RBM19: variants seen among roughly 807,000 people sequenced by gnomAD.
RBM19 encodes probable RNA-binding protein 19.
RBM19 carries 94 observed loss-of-function variants against 116.8 expected under a neutral mutation model. The observed-to-expected ratio is 0.80, with a 90% CI of 0.68 to 0.95. The LOEUF is 0.95. Among genes scored for constraint, RBM19 ranks in the 40% least tolerant of loss-of-function variants. RBM19 has a pLI of 0.00. For missense variants in RBM19, 1,161 were observed against 1,220.7 expected, an observed-to-expected ratio of 0.95 and a Z score of 0.73; for synonymous variants, 475 against 494.1, an observed-to-expected ratio of 0.96 and a Z score of 0.51.
downstream of RBM19, among the ~76,000 whole-genome samples, chr12:113,820,578 C>T (rs941989089): frequency 6.6e-5 from 10 of 152,146 alleles, no homozygotes; most frequent in African/African-American, 2.4e-4. Context: ...TGACATGATC[C>T]AGCTCACGGA....
chr12:113,920,460 G>T, intron 19 of RBM19, 151 bp downstream of exon 19: 1 of 706,476 alleles, frequency 1.4e-6, no homozygotes. Flanking sequence ...ATTTTTTCTT[G>T]GGCCACAGTC....
chr12:113,872,994 C>T (rs1260302775), intron 21 of RBM19, among the ~76,000 whole-genome samples: 167 of 82,498 alleles, frequency 2.0e-3, no homozygotes, highest in African/African-American at 2.9e-3. Context: ...TCTGCCCGGC[C>T]GCCCCTACTG....
At position 113,937,865 on chromosome 12, in the gene RBM19, T is replaced by C. The variant is rs182526609; in HGVS notation, c.1939-729A>G. Among the ~76,000 whole-genome samples, 325 of 149,566 alleles carry C rather than the reference T, an allele frequency of 2.2e-3. 1 individual carries two copies. The highest frequency in any genetic ancestry group is 7.4e-3 in the African/African-American group (300 of 40,574). On this transcript the variant is annotated intron_variant, in intron 15 of 23. Transcript: ENST00000261741. ...TTACTGGGGAGCTGCAGGACAGGGG[T>C]GGGAGTGAGACTTGTCAACAAATGC...
At chr12:113,830,377 A>G (rs962822933) in intron 23 of RBM19, among the ~76,000 whole-genome samples, 1 of 151,902 alleles carries the variant, frequency 6.6e-6, no homozygotes, top group Non-Finnish European at 1.5e-5. Flanking sequence ...TGATGTTATT[A>G]ATCTTGGTGC....
intron 22 of RBM19, among the ~76,000 whole-genome samples, chr12:113,847,877 C>T (rs1362406612): frequency 6.6e-6 from 1 of 152,196 alleles, no homozygotes; most frequent in Non-Finnish European, 1.5e-5. Context: ...GCGACATCAC[C>T]TCTCACAAAT....
At chr12:113,959,087 C>T (rs1872242535) in intron 5 of RBM19, 125 bp downstream of exon 5, 1 of 970,118 alleles carries the variant, frequency 1.0e-6, no homozygotes, top group Non-Finnish European at 1.5e-6. Context: ...GGATCATCAC[C>T]CCCAATGGAG....
intron 21 of RBM19, among the ~76,000 whole-genome samples, chr12:113,866,581 T>C (rs1472152460): frequency 1.3e-5 from 2 of 152,186 alleles, no homozygotes; most frequent in African/African-American, 4.8e-5. Context: ...CCTGGGCAAA[T>C]CATTTCCAGC....
At chr12:113,845,320 G>A (rs1054596720) in intron 22 of RBM19, among the ~76,000 whole-genome samples, 6 of 152,000 alleles carry the variant, frequency 3.9e-5, no homozygotes, top group East Asian at 1.9e-4. Context: ...CCAGCCCTGC[G>A]CTCCCAACTC....
intron 21 of RBM19, among the ~76,000 whole-genome samples, chr12:113,874,148 AT>A (rs935128865): frequency 7.9e-5 from 12 of 152,126 alleles, no homozygotes; most frequent in Non-Finnish European, 1.2e-4. Flanking sequence ...TCTATTGCAC[AT>A]TTTTTCCCCT....
chr12:113,927,680 G>A (rs1051622602), intron 16 of RBM19, among the ~76,000 whole-genome samples: 1 of 150,886 alleles, frequency 6.6e-6, no homozygotes, highest in Non-Finnish European at 1.5e-5. Flanking sequence ...ATTACAGAAT[G>A]GGAACAAAAC....
intron 16 of RBM19, 131 bp downstream of exon 16, chr12:113,936,876 C>A (rs764894827): frequency 2.2e-5 from 27 of 1,217,856 alleles, no homozygotes; most frequent in Non-Finnish European, 3.1e-5. Context: ...AGAGTCTGAG[C>A]CCTGCTGGTC....
chr12:113,927,141 T>C lies in RBM19; in HGVS notation c.2157A>G (p.Glu719=), dbSNP rs773149250. 1.2e-6 allele frequency: 2 copies of C among 1,611,108 alleles called. No homozygotes were observed. Among genetic ancestry groups the C allele is most frequent in the South Asian group, 1.1e-5 (1 of 90,654 alleles). Residue 719 remains glutamate, a synonymous_variant, in exon 17 of 24, where the codon GAA becomes GAG. Coordinates refer to ENST00000261741, the MANE Select transcript of RBM19 (RefSeq NM_016196.4). ...SSAKMEEEEE[E]EEEEEESLPG... ...GGAGGCTCTCTTCTTCTTCTTCCTC[T>C]TCCTCCTCCTCCTCTTCCATCTTTG...
intron 23 of RBM19, among the ~76,000 whole-genome samples, chr12:113,834,225 C>T (rs984861973): frequency 6.6e-6 from 1 of 152,126 alleles, no homozygotes; most frequent in African/African-American, 2.4e-5. Context: ...GCCTAGAGCA[C>T]GGCTTGCTAA....
At chr12:113,869,846 AGAG>A (rs1299772714) in intron 21 of RBM19, among the ~76,000 whole-genome samples, 1 of 152,194 alleles carries the variant, frequency 6.6e-6, no homozygotes, top group African/African-American at 2.4e-5. Flanking sequence ...AGAAACTCCA[AGAG>A]GAGATGAAGA....
chr12:113,866,311 G>GA (rs1376568688), intron 21 of RBM19, among the ~76,000 whole-genome samples: 4 of 152,026 alleles, frequency 2.6e-5, no homozygotes, highest in Non-Finnish European at 5.9e-5. Flanking sequence ...CCAAGAAAGT[G>GA]AAAAAAAGAG....
chr12:113,948,172 G>C (rs1203299900), intron 10 of RBM19, among the ~76,000 whole-genome samples: 1 of 152,192 alleles, frequency 6.6e-6, no homozygotes, highest in Non-Finnish European at 1.5e-5. Flanking sequence ...ACAACCTACA[G>C]CTGGCCTCTG....
At chr12:113,818,515 A>C (rs970455912), downstream of RBM19, among the ~76,000 whole-genome samples, 1 of 152,220 alleles carries the variant, frequency 6.6e-6, no homozygotes, top group Admixed American at 6.5e-5. Flanking sequence ...CTGGCCTGAC[A>C]TCTGCTGGGT....
At chr12:113,837,836 T>C (rs897537464) in intron 23 of RBM19, among the ~76,000 whole-genome samples, 3 of 152,240 alleles carry the variant, frequency 2.0e-5, no homozygotes, top group Non-Finnish European at 2.9e-5. Context: ...GACAGGTTCA[T>C]AGATTCTTGG....
chr12:113,965,483 T>C (rs1872796276), intron 1 of RBM19, among the ~76,000 whole-genome samples: 1 of 151,934 alleles, frequency 6.6e-6, no homozygotes, highest in African/African-American at 2.4e-5. Flanking sequence ...AGAGACACTG[T>C]CTAACCTGAT....
Sources: allele counts gnomAD v4.1 joint callset (sites outside exome capture counted in the v4.1 genomes callset), GRCh38; gene constraint gnomAD v4.1.1; transcripts MANE v1.5; gene names NCBI Gene and HGNC (gene_info 2026-07-23, HGNC 2026-07-21).